TUT4: variants seen among roughly 807,000 people sequenced by gnomAD.
TUT4 encodes terminal uridylyltransferase 4.
A neutral mutation model predicts 192.2 loss-of-function variants in TUT4; 36 were observed. That is an observed-to-expected ratio of 0.19 (90% CI 0.14 to 0.25). The LOEUF is 0.25. TUT4 is among the 10% of genes least tolerant of loss of function. TUT4 has a pLI of 1.00. For synonymous variants in TUT4, 618 were observed against 666.0 expected (o/e 0.93, Z 1.11); for missense variants, 1,493 against 1,957.2 (o/e 0.76, Z 4.47).
chr1:52,551,056 T>C (rs1558047828), intron 1 of TUT4, among the ~76,000 whole-genome samples: 1 of 152,352 alleles, frequency 6.6e-6, no homozygotes, highest in East Asian at 1.9e-4. Flanking sequence ...AAATTTATAA[T>C]TATACATTTT....
chr1:52,471,069 T>C (rs1307368069), intron 14 of TUT4, among the ~76,000 whole-genome samples: 3 of 138,412 alleles, frequency 2.2e-5, no homozygotes, highest in African/African-American at 8.5e-5. Flanking sequence ...CGGGCTGGAG[T>C]GCAGTGGCAT....
At chr1:52,550,445 C>A (rs993864906) in intron 1 of TUT4, among the ~76,000 whole-genome samples, 3 of 145,576 alleles carry the variant, frequency 2.1e-5, no homozygotes, top group African/African-American at 7.5e-5. Flanking sequence ...TCATTGAGTT[C>A]TATTTTGTCA....
At chr1:52,519,566 GTGGTGCAA>G (rs1056834699) in intron 2 of TUT4, among the ~76,000 whole-genome samples, 10 of 151,444 alleles carry the variant, frequency 6.6e-5, no homozygotes, top group Non-Finnish European at 7.4e-5. Context: ...CTGGAGTGCA[GTGGTGCAA>G]TCTCGGCTCA....
intron 11 of TUT4, among the ~76,000 whole-genome samples, chr1:52,479,421 T>C (rs968280144): frequency 5.3e-5 from 8 of 152,058 alleles, no homozygotes; most frequent in Admixed American, 5.2e-4. Context: ...AGGCCAGAGA[T>C]GATGGTGGCT....
chr1:52,538,312 TC>T (rs1685517224), intron 1 of TUT4, among the ~76,000 whole-genome samples: 1 of 152,110 alleles, frequency 6.6e-6, no homozygotes, highest in Admixed American at 6.6e-5. Context: ...ATACATTCTA[TC>T]CCCAATGGGC....
chr1:52,512,974 C>T (rs1302124697), intron 3 of TUT4, among the ~76,000 whole-genome samples: 1 of 151,556 alleles, frequency 6.6e-6, no homozygotes, highest in Non-Finnish European at 1.5e-5. Flanking sequence ...CTTAAGAGGA[C>T]AAGCCAGTTG....
At chr1:52,441,444 A>ATTT (rs557710242) in intron 24 of TUT4, among the ~76,000 whole-genome samples, 56 of 119,958 alleles carry the variant, frequency 4.7e-4, no homozygotes, top group South Asian at 7.9e-4. Context: ...TCTCGGCTAA[A>ATTT]TTTTTTTTTT....
intron 4 of TUT4, among the ~76,000 whole-genome samples, chr1:52,497,505 C>T (rs1672757700): frequency 6.6e-6 from 1 of 152,192 alleles, no homozygotes; most frequent in African/African-American, 2.4e-5. Flanking sequence ...TTTTGTTGCA[C>T]CAAGGCAGAT....
At chr1:52,485,194 T>C (rs1221665654) in intron 9 of TUT4, among the ~76,000 whole-genome samples, 1 of 152,204 alleles carries the variant, frequency 6.6e-6, no homozygotes, top group Non-Finnish European at 1.5e-5. Flanking sequence ...ATCTTTGTTA[T>C]TAAATCTCTT....
Position 52,425,366 on chromosome 1 carries a change from T to C in TUT4, c.4853A>G (p.Lys1618Arg), listed in dbSNP as rs1649501908. 6.2e-7 allele frequency: 1 copy of C among 1,613,694 alleles called. No individual in the cohort carries two copies. The highest frequency in any genetic ancestry group is 1.3e-5 in the African/African-American group (1 of 74,892). Residue 1618 changes from lysine to arginine, a missense_variant, in exon 29 of 30, where the codon AAA becomes AGA. Coordinates refer to ENST00000257177, the MANE Select transcript of TUT4 (RefSeq NM_001009881.3). ...HQGNARFQPN[K>R]PFYTQDRCAT... ...AGTGGTACCTTGAGTATAGAAAGGT[T>C]TGTTGGGCTGGAATCGGGCATTTCC... is the stretch of plus-strand genomic sequence containing the variant.
intron 20 of TUT4, among the ~76,000 whole-genome samples, chr1:52,449,323 G>T (rs965571615): frequency 6.6e-6 from 1 of 152,154 alleles, no homozygotes; most frequent in Admixed American, 6.5e-5. Context: ...TGTTTAGACA[G>T]AGTCTCGCTC....
chr1:52,534,124 C>T (rs1684254710), intron 1 of TUT4, among the ~76,000 whole-genome samples: 1 of 152,206 alleles, frequency 6.6e-6, no homozygotes, highest in African/African-American at 2.4e-5. Flanking sequence ...TAACTTACTT[C>T]ATCAGTGAGT....
At chr1:52,529,642 A>C (rs1359675381) in intron 1 of TUT4, 1 of 152,210 alleles carries the variant, frequency 6.6e-6, no homozygotes, top group Non-Finnish European at 1.5e-5. Context: ...AACAATGCTG[A>C]TTCACAATTT....
At chr1:52,529,191 T>C (rs917451472) in intron 1 of TUT4, among the ~76,000 whole-genome samples, 1 of 152,066 alleles carries the variant, frequency 6.6e-6, no homozygotes, top group East Asian at 1.9e-4. Context: ...TATTTAAAAA[T>C]TTTTTAATTA....
chr1:52,489,318 T>C (rs1056856740), intron 8 of TUT4, among the ~76,000 whole-genome samples: 1 of 152,192 alleles, frequency 6.6e-6, no homozygotes, highest in Non-Finnish European at 1.5e-5. Flanking sequence ...GAAATTAATT[T>C]CAAAAGCAGC....
rs776792943 is a variant in TUT4, at chr1:52,497,052, C to T, written c.1131G>A (p.Gln377=). The part of the protein sequence containing the change: ...GITDDDLRVR[Q]EIVEEMSKVI... ...CCTTTGACATTTCCTCCACAATTTC[C>T]TGACGGACTCTGAGGTCATCATCTG... The change falls in exon 5 of 30, where the codon CAG becomes CAA. Residue 377 remains glutamine (Q), a synonymous_variant. Coordinates refer to ENST00000257177, the MANE Select transcript of TUT4 (RefSeq NM_001009881.3). 2 of 1,613,722 alleles carry T rather than the reference C, an allele frequency of 1.2e-6. No individual in the cohort carries two copies. The highest frequency in any genetic ancestry group is 8.5e-7 in the Non-Finnish European group (1 of 1,179,884).
chr1:52,506,169 C>G (rs1675508264), intron 4 of TUT4, among the ~76,000 whole-genome samples: 2 of 152,086 alleles, frequency 1.3e-5, no homozygotes, highest in South Asian at 4.1e-4. Flanking sequence ...GAATAAAGCC[C>G]CACTTGATCA....
intron 20 of TUT4, among the ~76,000 whole-genome samples, chr1:52,454,370 TAATA>T (rs1285640077): frequency 6.6e-6 from 1 of 152,078 alleles, no homozygotes; most frequent in Non-Finnish European, 1.5e-5. Context: ...ATTGGTGAAA[TAATA>T]AATAAATCAA....
chr1:52,493,758 A>C (rs1671768324), intron 6 of TUT4, 96 bp from the exon 7 acceptor site: 1 of 783,478 alleles, frequency 1.3e-6, no homozygotes, highest in African/African-American at 1.8e-5. Flanking sequence ...ATAACATTTA[A>C]ATATAATCAT....
Sources: gnomAD v4.1 joint callset for allele counts (sites outside exome capture counted in the v4.1 genomes callset) on GRCh38, gnomAD v4.1.1 for gene constraint, MANE v1.5 for transcripts, NCBI Gene and HGNC (gene_info 2026-07-23, HGNC 2026-07-21) for gene names.